ADAMTS12: variants seen among roughly 807,000 people sequenced by gnomAD.
ADAMTS12 encodes A disintegrin and metalloproteinase with thrombospondin motifs 12.
A neutral mutation model predicts 167.8 loss-of-function variants in ADAMTS12; 118 were observed. The ratio of observed to expected loss-of-function variants is 0.70; its 90% CI spans 0.61 to 0.82. ADAMTS12 has a LOEUF of 0.82. ADAMTS12 is among the 40% of genes least tolerant of loss of function. ADAMTS12 has a pLI of 0.00. For missense variants in ADAMTS12, 1,916 were observed against 1,998.8 expected (o/e 0.96, Z 0.79); for synonymous variants, 704 against 716.9 (o/e 0.98, Z 0.29).
chr5:33,601,884 C>T (rs951121584), intron 16 of ADAMTS12, among the ~76,000 whole-genome samples: 1 of 152,098 alleles, frequency 6.6e-6, no homozygotes, highest in Non-Finnish European at 1.5e-5. Flanking sequence ...AAATAAGGTG[C>T]TTAAAGAATG....
At chr5:33,692,533 A>G (rs1742589059) in intron 3 of ADAMTS12, among the ~76,000 whole-genome samples, 2 of 152,248 alleles carry the variant, frequency 1.3e-5, no homozygotes, top group Admixed American at 6.5e-5. Flanking sequence ...TCTACTCAGT[A>G]ACAATATTTT....
intron 17 of ADAMTS12, among the ~76,000 whole-genome samples, chr5:33,592,583 C>A (rs1747697424): frequency 6.6e-6 from 1 of 152,148 alleles, no homozygotes; most frequent in South Asian, 2.1e-4. Context: ...TTCTTGACAG[C>A]CTACCCTCTC....
intron 16 of ADAMTS12, among the ~76,000 whole-genome samples, chr5:33,597,603 G>A (rs1340705279): frequency 1.3e-5 from 2 of 152,120 alleles, no homozygotes; most frequent in Non-Finnish European, 2.9e-5. Flanking sequence ...AAATCCCCCT[G>A]ATGCCAGATG....
At chr5:33,727,929 T>A (rs1483055825) in intron 3 of ADAMTS12, among the ~76,000 whole-genome samples, 1 of 152,224 alleles carries the variant, frequency 6.6e-6, no homozygotes, top group Non-Finnish European at 1.5e-5. Flanking sequence ...GCATGGCACC[T>A]GTCACATTCA....
chr5:33,871,973 T>A (rs185495140), intron 2 of ADAMTS12, among the ~76,000 whole-genome samples: 147 of 152,246 alleles, frequency 9.7e-4, no homozygotes, highest in Admixed American at 1.6e-3. Context: ...AATGAAACAA[T>A]TCCTTGAATG....
chr5:33,835,948 T>TCTCTCCCTCTCTCC (rs1748504211), intron 2 of ADAMTS12, among the ~76,000 whole-genome samples: 1 of 35,484 alleles, frequency 2.8e-5, no homozygotes, highest in African/African-American at 8.8e-5. Flanking sequence ...TCTCTCTCTC[T>TCTCTCCCTCTCTCC]CTCTCTGTGT....
chr5:33,803,610 C>T (rs922780222), intron 2 of ADAMTS12, among the ~76,000 whole-genome samples: 5 of 152,130 alleles, frequency 3.3e-5, no homozygotes, highest in Non-Finnish European at 7.3e-5. Flanking sequence ...AGTCTGTTCT[C>T]GCACTGCTAA....
intron 22 of ADAMTS12, among the ~76,000 whole-genome samples, chr5:33,538,623 C>T (rs2111772566): frequency 6.6e-6 from 1 of 152,306 alleles, no homozygotes; most frequent in Non-Finnish European, 1.5e-5. Context: ...TTCTTTCCTA[C>T]TCTTCCCTCC....
chr5:33,823,653 CTT>C (rs11422128), intron 2 of ADAMTS12, among the ~76,000 whole-genome samples: 1 of 146,842 alleles, frequency 6.8e-6, no homozygotes. Context: ...CATTTTCTGC[CTT>C]TTTTTTTTTT....
intron 11 of ADAMTS12, among the ~76,000 whole-genome samples, chr5:33,638,546 A>T (rs1740297137): frequency 6.6e-6 from 1 of 152,172 alleles, no homozygotes; most frequent in Non-Finnish European, 1.5e-5. Flanking sequence ...ATGTCTACAT[A>T]CTGCTCATGC....
chr5:33,656,102 A>G (rs144298438), intron 7 of ADAMTS12, among the ~76,000 whole-genome samples: 252 of 152,322 alleles, frequency 1.7e-3, no homozygotes, highest in African/African-American at 5.9e-3. Context: ...TAATAACAAC[A>G]AAAGTATAGG....
At chr5:33,706,672 T>A (rs1320197877) in intron 3 of ADAMTS12, among the ~76,000 whole-genome samples, 1 of 152,184 alleles carries the variant, frequency 6.6e-6, no homozygotes, top group Admixed American at 6.6e-5. Context: ...AATATTGTTA[T>A]GTGTGAATTT....
intron 3 of ADAMTS12, among the ~76,000 whole-genome samples, chr5:33,744,067 T>G (rs1178689873): frequency 1.3e-5 from 2 of 152,228 alleles, no homozygotes; most frequent in Non-Finnish European, 2.9e-5. Context: ...ATACTTCAGT[T>G]GAACATATTT....
intron 19 of ADAMTS12, among the ~76,000 whole-genome samples, chr5:33,575,621 A>T (rs1395919967): frequency 6.6e-6 from 1 of 152,220 alleles, no homozygotes; most frequent in Non-Finnish European, 1.5e-5. Flanking sequence ...TTGAACATAG[A>T]CCACCCAGGG....
At chr5:33,686,252 C>T (rs1579837118) in intron 3 of ADAMTS12, among the ~76,000 whole-genome samples, 2 of 152,120 alleles carry the variant, frequency 1.3e-5, no homozygotes, top group South Asian at 2.1e-4. Context: ...CCCTGGGTGC[C>T]GGTCCCCTCA....
At chr5:33,663,899 A>G (rs1287893708) in intron 5 of ADAMTS12, among the ~76,000 whole-genome samples, 1 of 152,198 alleles carries the variant, frequency 6.6e-6, no homozygotes, top group Admixed American at 6.5e-5. Context: ...CAATAGTATT[A>G]CCACTTATAA....
chr5:33,844,948 C>T (rs1309135579), intron 2 of ADAMTS12, among the ~76,000 whole-genome samples: 1 of 152,160 alleles, frequency 6.6e-6, no homozygotes, highest in African/African-American at 2.4e-5. Flanking sequence ...GGGGCAGGTT[C>T]CCCGATAATT....
At chr5:33,672,355 C>T (rs765750064) in intron 5 of ADAMTS12, among the ~76,000 whole-genome samples, 24 of 152,004 alleles carry the variant, frequency 1.6e-4, no homozygotes, top group Middle Eastern at 3.4e-3. Flanking sequence ...CACACATCCA[C>T]ATACATACAC....
intron 5 of ADAMTS12, among the ~76,000 whole-genome samples, chr5:33,676,008 A>G (rs547881407): frequency 6.6e-6 from 1 of 152,224 alleles, no homozygotes; most frequent in East Asian, 1.9e-4. Context: ...CCCCATTCAC[A>G]CTATTTTTTC....
Sources: allele counts gnomAD v4.1 joint callset (sites outside exome capture counted in the v4.1 genomes callset), GRCh38; gene constraint gnomAD v4.1.1; transcripts MANE v1.5; gene names NCBI Gene and HGNC (gene_info 2026-07-23, HGNC 2026-07-21).